FRMPD1: variants seen among roughly 807,000 people sequenced by gnomAD.
FRMPD1 encodes the protein FERM and PDZ domain-containing protein 1.
A neutral mutation model predicts 117.8 loss-of-function variants in FRMPD1; 76 were observed. That is an observed-to-expected ratio of 0.65 (90% CI 0.54 to 0.78). The LOEUF is 0.78. Ranked by LOEUF, FRMPD1 falls within the 30% of genes least tolerant of loss-of-function variation. FRMPD1 has a pLI of 0.00. For missense variants in FRMPD1, 1,786 were observed against 1,964.5 expected, an observed-to-expected ratio of 0.91 and a Z score of 1.72; for synonymous variants, 783 against 770.4, an observed-to-expected ratio of 1.02 and a Z score of -0.27.
At chr9:37,707,304 T>C (rs1433816395) in intron 2 of FRMPD1, 112 bp from the exon 3 acceptor site, 4 of 756,634 alleles carry the variant, frequency 5.3e-6, no homozygotes, top group East Asian at 2.6e-5. Context: ...AAGAGGAGAA[T>C]TGGTGTCTGC....
intron 1 of FRMPD1, among the ~76,000 whole-genome samples, chr9:37,691,820 T>A (rs1372586803): frequency 1.3e-5 from 2 of 152,088 alleles, no homozygotes; most frequent in Non-Finnish European, 2.9e-5. Context: ...GGCAGGAGAA[T>A]AACTTGAACC....
chr9:37,744,666 T>G lies in FRMPD1; in HGVS notation c.2634T>G (p.Gly878=), dbSNP rs770794354. 6.2e-7 allele frequency: 1 copy of G among 1,614,086 alleles called. No individual in the cohort carries two copies. Among genetic ancestry groups the G allele is most frequent in the Non-Finnish European group, 8.5e-7 (1 of 1,180,016 alleles). ...ACAGGGAGCCCTACCTGGCCCTTGG[T>G]GCACCCTCCCCAACTGTGTCCTCTC... is the stretch of plus-strand genomic sequence containing the variant. The part of the protein sequence containing the change: ...YYDREPYLAL[G]APSPTVSSLQ... The change falls in exon 16 of 16, where the codon GGT becomes GGG. Residue 878 remains glycine, a synonymous_variant. Coordinates refer to ENST00000377765, the MANE Select transcript of FRMPD1 (RefSeq NM_014907.3).
chr9:37,692,579 T>C (rs1244679496), intron 1 of FRMPD1, 59 bp from the exon 2 acceptor site: 2 of 1,093,388 alleles, frequency 1.8e-6, no homozygotes, highest in African/African-American at 1.5e-5. Context: ...TCCTGATTTA[T>C]CAAAATCCTC....
chr9:37,746,487 G>C lies in FRMPD1; in HGVS notation c.4455G>C (p.Glu1485Asp). 6.2e-7 allele frequency: 1 copy of C among 1,613,720 alleles called. No individual in the cohort carries two copies. Among genetic ancestry groups the C allele is most frequent in the Non-Finnish European group, 8.5e-7 (1 of 1,180,042 alleles). The change falls in exon 16 of 16, where the codon GAG becomes GAC. Residue 1485 changes from glutamate (E) to aspartate (D), a missense_variant. Physicochemically the swap from Glu to Asp is conservative, Grantham distance 45. Transcript: ENST00000377765. ...HVIRMDQSPEEMQGAVRDTFQ... is the reference protein window; with the variant it reads ...HVIRMDQSPEDMQGAVRDTFQ... ...TCAGAATGGACCAGTCCCCCGAAGA[G>C]ATGCAGGGGGCCGTGCGTGACACCT...
At chr9:37,615,876 G>A in the FRMPD1 span, among the ~76,000 whole-genome samples, 2 of 149,954 alleles carry the variant, frequency 1.3e-5, no homozygotes, top group East Asian at 2.0e-4. Flanking sequence ...GTAATGGCAT[G>A]ATCTCAGCTC....
chr9:37,730,963 T>C, intron 8 of FRMPD1, 21 bp from the exon 9 acceptor site: 2 of 1,611,840 alleles, frequency 1.2e-6, no homozygotes, highest in Non-Finnish European at 1.7e-6. Context: ...AGATTAATAG[T>C]ATCTCCCTTA....
At chr9:37,603,482 C>T in the FRMPD1 span, among the ~76,000 whole-genome samples, 1 of 152,238 alleles carries the variant, frequency 6.6e-6, no homozygotes, top group Admixed American at 6.5e-5. Context: ...ACTTCTGGGA[C>T]ACAATAGTTC....
chr9:37,732,593 CT>C (rs1823938629), intron 10 of FRMPD1, among the ~76,000 whole-genome samples, 153 bp downstream of exon 10: 1 of 152,224 alleles, frequency 6.6e-6, no homozygotes. Flanking sequence ...CTAATCTGAC[CT>C]GGCTCCCCCA....
At chr9:37,681,813 T>C in intron 1 of FRMPD1, among the ~76,000 whole-genome samples, 1 of 152,210 alleles carries the variant, frequency 6.6e-6, no homozygotes. Flanking sequence ...AGAAACAGGG[T>C]ACTTTTCTCC....
chr9:37,716,294 T>C (rs571285177), intron 5 of FRMPD1, among the ~76,000 whole-genome samples: 34 of 152,344 alleles, frequency 2.2e-4, no homozygotes, highest in African/African-American at 6.3e-4. Flanking sequence ...GCAATTGAAT[T>C]GAATTCTGTG....
At chr9:37,618,089 G>A in the FRMPD1 span, among the ~76,000 whole-genome samples, 1 of 152,112 alleles carries the variant, frequency 6.6e-6, no homozygotes, top group Non-Finnish European at 1.5e-5. Context: ...GGTGCATGAG[G>A]CAATTAAGGA....
intron 14 of FRMPD1, among the ~76,000 whole-genome samples, chr9:37,739,472 C>G (rs1300961495): frequency 6.6e-6 from 1 of 152,152 alleles, no homozygotes; most frequent in South Asian, 2.1e-4. Context: ...TACCATTAAT[C>G]CTTCCTGAGA....
At chr9:37,639,697 C>T in the FRMPD1 span, among the ~76,000 whole-genome samples, 2 of 152,122 alleles carry the variant, frequency 1.3e-5, no homozygotes, top group Non-Finnish European at 2.9e-5. Context: ...ATGCACTTCC[C>T]AGGACACTAT....
intron 1 of FRMPD1, among the ~76,000 whole-genome samples, chr9:37,682,098 A>C (rs1821749592): frequency 6.6e-6 from 1 of 152,234 alleles, no homozygotes; most frequent in South Asian, 2.1e-4. Context: ...ACAAAGACAC[A>C]AGAAGGGCTA....
intron 1 of FRMPD1, among the ~76,000 whole-genome samples, chr9:37,685,460 G>T (rs555300081): frequency 1.1e-3 from 172 of 151,834 alleles, no homozygotes; most frequent in Non-Finnish European, 2.0e-3. Flanking sequence ...TGGCTAACAC[G>T]GTGAAACCCT....
chr9:37,609,273 C>G, the FRMPD1 span, among the ~76,000 whole-genome samples: 1 of 147,004 alleles, frequency 6.8e-6, no homozygotes, highest in Non-Finnish European at 1.5e-5. Flanking sequence ...GCCTGGGCAA[C>G]AAGAGCGAAA....
chr9:37,655,809 C>T (rs781035403), intron 1 of FRMPD1, among the ~76,000 whole-genome samples: 4 of 152,060 alleles, frequency 2.6e-5, no homozygotes, highest in Admixed American at 6.6e-5. Flanking sequence ...AGCCTCCCAA[C>T]TCTTAATCCC....
chr9:37,735,479 A>G, intron 12 of FRMPD1, 73 bp from the exon 13 acceptor site: 2 of 1,124,840 alleles, frequency 1.8e-6, no homozygotes, highest in Non-Finnish European at 2.7e-6. Flanking sequence ...AGCGAGAGGT[A>G]TTATTGCTTA....
the FRMPD1 span, among the ~76,000 whole-genome samples, chr9:37,607,965 A>G: frequency 6.6e-6 from 1 of 152,232 alleles, no homozygotes; most frequent in South Asian, 2.1e-4. Context: ...TTGCTATTTC[A>G]GGAAGACATG....
Sources: gnomAD v4.1 joint callset for allele counts (sites outside exome capture counted in the v4.1 genomes callset) on GRCh38, gnomAD v4.1.1 for gene constraint, MANE v1.5 for transcripts, NCBI Gene and HGNC (gene_info 2026-07-23, HGNC 2026-07-21) for gene names.